Variants in RPS6KC1 observed in about 807,000 individuals in gnomAD.
RPS6KC1 encodes the protein inactive ribosomal protein S6 kinase delta-1.
In RPS6KC1, 54 loss-of-function variants were observed where a neutral mutation model predicts 103.8. That is an observed-to-expected ratio of 0.52 (90% confidence interval 0.42 to 0.65). The LOEUF is 0.65. RPS6KC1 is among the 30% of genes least tolerant of loss of function. RPS6KC1 has a pLI of 0.00. For synonymous variants in RPS6KC1, 439 were observed against 438.7 expected, an observed-to-expected ratio of 1.00 and a Z score of -0.01; for missense variants, 1,151 against 1,253.8, an observed-to-expected ratio of 0.92 and a Z score of 1.24.
chr1:213,622,149 A>G, the RPS6KC1 span, among the ~76,000 whole-genome samples: 1 of 152,100 alleles, frequency 6.6e-6, no homozygotes, highest in South Asian at 2.1e-4. Flanking sequence ...TTCCCCCTGC[A>G]TATTTGTACT....
chr1:213,826,214 ATT>A, the RPS6KC1 span, among the ~76,000 whole-genome samples: 1 of 152,208 alleles, frequency 6.6e-6, no homozygotes. Flanking sequence ...TCATAATAGA[ATT>A]TTTTTAAGTT....
At chr1:213,516,462 G>A in the RPS6KC1 span, among the ~76,000 whole-genome samples, 1 of 152,130 alleles carries the variant, frequency 6.6e-6, no homozygotes. Flanking sequence ...TTTGTCAAAG[G>A]CCTTTTCTGC....
chr1:213,687,800 T>G, the RPS6KC1 span, among the ~76,000 whole-genome samples: 31 of 152,338 alleles, frequency 2.0e-4, no homozygotes, highest in African/African-American at 5.8e-4. Context: ...TATTGTTATC[T>G]TCTGAGCGTA....
At chr1:213,379,285 G>A in the RPS6KC1 span, among the ~76,000 whole-genome samples, 1 of 152,174 alleles carries the variant, frequency 6.6e-6, no homozygotes, top group African/African-American at 2.4e-5. Flanking sequence ...AGTCATTACA[G>A]ATATAATTAG....
chr1:213,523,428 T>C, the RPS6KC1 span, among the ~76,000 whole-genome samples: 2 of 152,202 alleles, frequency 1.3e-5, no homozygotes, highest in African/African-American at 4.8e-5. Flanking sequence ...ATAGAGTTTC[T>C]TGATGCAGGG....
the RPS6KC1 span, among the ~76,000 whole-genome samples, chr1:213,638,588 G>A: frequency 6.6e-6 from 1 of 151,654 alleles, no homozygotes; most frequent in Non-Finnish European, 1.5e-5. Context: ...GTGACTAATT[G>A]GTTTAAAACC....
the RPS6KC1 span, among the ~76,000 whole-genome samples, chr1:213,290,690 G>A: frequency 6.6e-6 from 1 of 152,000 alleles, no homozygotes; most frequent in Non-Finnish European, 1.5e-5. Flanking sequence ...AGGTCTAGTT[G>A]TGACAAGGGC....
the RPS6KC1 span, among the ~76,000 whole-genome samples, chr1:213,826,070 G>A: frequency 6.6e-6 from 1 of 152,116 alleles, no homozygotes; most frequent in Non-Finnish European, 1.5e-5. Flanking sequence ...ACTAAGTAAT[G>A]ACTAGTTGCC....
intron 8 of RPS6KC1, among the ~76,000 whole-genome samples, chr1:213,186,711 G>C (rs1475489798): frequency 6.6e-6 from 1 of 151,930 alleles, no homozygotes; most frequent in African/African-American, 2.4e-5. Context: ...TCTTAGCTTT[G>C]GTCTTTTGAG....
At chr1:213,520,218 ACAGTT>A in the RPS6KC1 span, among the ~76,000 whole-genome samples, 1 of 152,184 alleles carries the variant, frequency 6.6e-6, no homozygotes, top group Non-Finnish European at 1.5e-5. Flanking sequence ...TAATGGACTC[ACAGTT>A]CTGGCTGGGG....
the RPS6KC1 span, among the ~76,000 whole-genome samples, chr1:213,795,463 T>A: frequency 1.3e-5 from 2 of 152,202 alleles, no homozygotes; most frequent in Non-Finnish European, 2.9e-5. Flanking sequence ...GAATAGATGC[T>A]TTCTCTATAG....
the RPS6KC1 span, among the ~76,000 whole-genome samples, chr1:213,653,487 A>G: frequency 3.9e-5 from 6 of 152,028 alleles, no homozygotes; most frequent in Non-Finnish European, 8.8e-5. Flanking sequence ...AGCATTCTTA[A>G]TTTTCTGTAG....
the RPS6KC1 span, among the ~76,000 whole-genome samples, chr1:213,837,121 C>T: frequency 3.9e-5 from 6 of 152,156 alleles, no homozygotes; most frequent in Non-Finnish European, 8.8e-5. Context: ...CCCATCTCTG[C>T]TGTGGTTAGC....
At chr1:213,749,197 C>A in the RPS6KC1 span, among the ~76,000 whole-genome samples, 1 of 152,116 alleles carries the variant, frequency 6.6e-6, no homozygotes, top group South Asian at 2.1e-4. Context: ...TGTAAATCCT[C>A]AAGAGGATGG....
chr1:213,168,807 A>G (rs1572980561), intron 7 of RPS6KC1, among the ~76,000 whole-genome samples: 1 of 152,026 alleles, frequency 6.6e-6, no homozygotes, highest in East Asian at 1.9e-4. Context: ...TATTTTTAGT[A>G]GAGACAGGGT....
chr1:213,735,074 C>T, the RPS6KC1 span, among the ~76,000 whole-genome samples: 2 of 152,162 alleles, frequency 1.3e-5, no homozygotes, highest in Admixed American at 1.3e-4. Context: ...CAGGCGCCCA[C>T]CACCACGCCC....
the RPS6KC1 span, among the ~76,000 whole-genome samples, chr1:213,692,400 A>AAT: frequency 0.02 from 3,071 of 151,922 alleles, 53 homozygotes; most frequent in African/African-American, 0.04. Flanking sequence ...AAAAAAAAAA[A>AAT]AAATAAATAA....
chr1:213,831,628 A>G, the RPS6KC1 span, among the ~76,000 whole-genome samples: 1 of 152,194 alleles, frequency 6.6e-6, no homozygotes, highest in Non-Finnish European at 1.5e-5. Context: ...TGGAAACATA[A>G]AGATTTGTGT....
chr1:213,534,508 T>C, the RPS6KC1 span, among the ~76,000 whole-genome samples: 1 of 152,202 alleles, frequency 6.6e-6, no homozygotes, highest in Non-Finnish European at 1.5e-5. Flanking sequence ...CAAATCCAGA[T>C]AGGCTGAGGT....
Sources: allele counts gnomAD v4.1 joint callset (sites outside exome capture counted in the v4.1 genomes callset), GRCh38; gene constraint gnomAD v4.1.1; transcripts MANE v1.5; gene names NCBI Gene and HGNC (gene_info 2026-07-23, HGNC 2026-07-21).